ZNF808: variants seen among roughly 807,000 people sequenced by gnomAD.
ZNF808 encodes zinc finger protein 808.
A neutral mutation model predicts 8.7 loss-of-function variants in ZNF808; 5 were observed. The ratio of observed to expected loss-of-function variants is 0.58; its 90% confidence interval spans 0.30 to 1.21. The LOEUF is 1.21. Among genes scored for constraint, ZNF808 ranks in the 50% most tolerant of loss-of-function variants. The pLI is 0.07. For synonymous variants in ZNF808, 380 were observed against 366.0 expected, an observed-to-expected ratio of 1.04 and a Z score of -0.44; for missense variants, 1,103 against 1,098.4, an observed-to-expected ratio of 1.00 and a Z score of -0.06.
intron 3 of ZNF808, among the ~76,000 whole-genome samples, chr19:52,562,284 A>G (rs2059860578): frequency 6.6e-6 from 1 of 152,170 alleles, no homozygotes; most frequent in Admixed American, 6.5e-5. Flanking sequence ...AGGCTGAGGC[A>G]GTAGGATCAT....
chr19:52,561,965 A>G (rs1159246902), intron 3 of ZNF808, among the ~76,000 whole-genome samples: 3 of 152,202 alleles, frequency 2.0e-5, no homozygotes, highest in South Asian at 2.1e-4. Flanking sequence ...CCTGATGTTG[A>G]TGATGGCATG....
downstream of ZNF808, among the ~76,000 whole-genome samples, chr19:52,557,255 C>T (rs562976287): frequency 1.3e-4 from 19 of 151,284 alleles, no homozygotes; most frequent in Non-Finnish European, 2.2e-4. Flanking sequence ...AGGCATGAGC[C>T]ACCGTGCCCC....
At chr19:52,544,632 T>C (rs2059703883) in intron 3 of ZNF808, among the ~76,000 whole-genome samples, 1 of 152,148 alleles carries the variant, frequency 6.6e-6, no homozygotes, top group Non-Finnish European at 1.5e-5. Context: ...TCAGGCCTTA[T>C]TTTTTATATT....
downstream of ZNF808, among the ~76,000 whole-genome samples, chr19:52,560,083 C>G (rs2059851518): frequency 6.6e-6 from 1 of 152,102 alleles, no homozygotes; most frequent in Admixed American, 6.6e-5. Context: ...CGCCTGTAAT[C>G]CCAGCACTTT....
downstream of ZNF808, among the ~76,000 whole-genome samples, chr19:52,559,689 G>C (rs189385968): frequency 3.3e-5 from 5 of 152,244 alleles, no homozygotes; most frequent in South Asian, 1.0e-3. Flanking sequence ...GAAGATACAC[G>C]TCAGTGGTAC....
In ZNF808 at chr19:52,551,630, TATTA is replaced by T. The variant is rs555553733; in HGVS notation, c.191-1469_191-1466del. ...GGTTTTATCATGGGTTACAATATTT[TATTA>T]ATTAATTTTATAATTTTACATATGG... On this transcript the variant is annotated intron_variant, in intron 4 of 4. Transcript: ENST00000359798. Among the ~76,000 whole-genome samples the T allele has an allele frequency of 3.2e-3, 489 of 152,240 alleles. 4 individuals carry two copies. The highest frequency in any genetic ancestry group is 3.8e-3 in the Non-Finnish European group (261 of 68,010).
At chr19:52,547,748 T>TC (rs2059737228) in intron 4 of ZNF808, 110 bp downstream of exon 4, 1 of 1,523,398 alleles carries the variant, frequency 6.6e-7, no homozygotes, top group Non-Finnish European at 8.7e-7. Context: ...GGTTTTTTTT[T>TC]TTTTTTTTTT....
chr19:52,560,179 A>G (rs2059851790), downstream of ZNF808, among the ~76,000 whole-genome samples: 1 of 152,044 alleles, frequency 6.6e-6, no homozygotes, highest in African/African-American at 2.4e-5. Context: ...ACTAAAAATT[A>G]GCCAGGCCTG....
At chr19:52,537,512 C>T (rs937759940) in intron 2 of ZNF808, among the ~76,000 whole-genome samples, 1 of 152,000 alleles carries the variant, frequency 6.6e-6, no homozygotes, top group Non-Finnish European at 1.5e-5. Context: ...AATAGACACC[C>T]CATCTCTTTC....
Position 52,554,730 on chromosome 19 carries a change from G to T in ZNF808, c.1814G>T (p.Gly605Val). The change falls in exon 5 of 5, where the codon GGT becomes GTT. Residue 605 changes from glycine (G) to valine (V), a missense_variant. Physicochemically the swap from Gly to Val is moderately radical, Grantham distance 109. Coordinates refer to ENST00000359798, the MANE Select transcript of ZNF808 (RefSeq NM_001039886.4). ...TGTGAAGCATGTGACAAAGTTTTTG[G>T]TCAGAAATCAGCTCTTGAGTCACAT... ...YKCEACDKVF[G>V]QKSALESHKR... 1.9e-6 allele frequency: 3 copies of T among 1,613,638 alleles called. No homozygotes were observed. Among genetic ancestry groups the T allele is most frequent in the Non-Finnish European group, 2.5e-6 (3 of 1,179,862 alleles).
intron 2 of ZNF808, among the ~76,000 whole-genome samples, chr19:52,533,627 C>T (rs942056397): frequency 3.3e-5 from 5 of 151,674 alleles, no homozygotes; most frequent in African/African-American, 9.7e-5. Flanking sequence ...GAGGCCAAGG[C>T]GGGTCAATCC....
At position 52,532,609 on chromosome 19, in the gene ZNF808, CTG is replaced by C. The variant is rs375498495; in HGVS notation, c.-121-296_-121-295del. ...GTGACAGTGATATGTTTTTTGCAAA[CTG>C]TGATACATTTTAGGGTCACAGTGGA... On this transcript the variant is annotated intron_variant, in intron 1 of 4. Coordinates refer to ENST00000359798, the MANE Select transcript of ZNF808 (RefSeq NM_001039886.4). Among the ~76,000 whole-genome samples, 785 of 152,190 alleles carry C rather than the reference CTG, an allele frequency of 5.2e-3. 5 individuals are homozygous for C. Among genetic ancestry groups the C allele is most frequent in the African/African-American group, 0.018 (729 of 41,524 alleles).
At chr19:52,550,524 C>T (rs867867629) in intron 4 of ZNF808, among the ~76,000 whole-genome samples, 55 of 135,878 alleles carry the variant, frequency 4.0e-4, no homozygotes, top group Middle Eastern at 7.5e-3. Context: ...ACCACTGTGT[C>T]CGGGCTATTT....
chr19:52,553,877 G>T lies in ZNF808; in HGVS notation c.961G>T (p.Gly321Cys). 5.6e-6 allele frequency: 9 copies of T among 1,614,100 alleles called. No homozygotes were observed. Among genetic ancestry groups the T allele is most frequent in the Non-Finnish European group, 7.6e-6 (9 of 1,180,014 alleles). Residue 321 changes from glycine (G) to cysteine (C), a missense_variant, in exon 5 of 5, where the codon GGC becomes TGC. Gly to Cys is a radical substitution (Grantham distance 159). Transcript: ENST00000359798. ...AAAACCTTACAAGTGTAATGAGTGT[G>T]GCAAGGTCTTTCGTCAAAATTCAGC... ...GVKPYKCNEC[G>C]KVFRQNSALV...
At chr19:52,546,092 T>C (rs1374162910) in intron 3 of ZNF808, among the ~76,000 whole-genome samples, 4 of 152,264 alleles carry the variant, frequency 2.6e-5, no homozygotes, top group Non-Finnish European at 4.4e-5. Flanking sequence ...CAGTATGTTA[T>C]TTTATGGCTT....
At chr19:52,538,788 G>C (rs1044124482) in intron 2 of ZNF808, among the ~76,000 whole-genome samples, 5 of 152,176 alleles carry the variant, frequency 3.3e-5, no homozygotes, top group African/African-American at 1.2e-4. Flanking sequence ...GAGGGACCCT[G>C]GGTGCAGATG....
chr19:52,555,002 A>G lies in ZNF808; in HGVS notation c.2086A>G (p.Lys696Glu), dbSNP rs1455717630. The G allele has an allele frequency of 5.6e-6, 9 of 1,613,938 alleles. No individual in the cohort carries two copies. The highest frequency in any genetic ancestry group is 2.2e-5 in the East Asian group (1 of 44,866). ...KAFVCRSYVA[K>E]HTRIHSGMKP... is the part of the protein sequence containing the mutation. ...TTTCGTGTGTCGTTCCTATGTGGCA[A>G]AACATACTAGAATTCACAGTGGAAT... The change falls in exon 5 of 5, where the codon AAA becomes GAA. Residue 696 changes from lysine to glutamate, a missense_variant. Physicochemically the swap from Lys to Glu is moderately conservative, Grantham distance 56 (BLOSUM62 1). Transcript: ENST00000359798.
At chr19:52,546,824 A>G (rs2059725810) in intron 3 of ZNF808, among the ~76,000 whole-genome samples, 2 of 151,046 alleles carry the variant, frequency 1.3e-5, no homozygotes, top group Non-Finnish European at 2.9e-5. Flanking sequence ...TTGTATTTTC[A>G]GTAGAGATGT....
At chr19:52,544,291 T>G (rs1019738847) in intron 3 of ZNF808, among the ~76,000 whole-genome samples, 1 of 152,156 alleles carries the variant, frequency 6.6e-6, no homozygotes, top group Non-Finnish European at 1.5e-5. Flanking sequence ...CCAAAGAGCC[T>G]GAATGATAGG....
Sources: allele counts gnomAD v4.1 joint callset (sites outside exome capture counted in the v4.1 genomes callset), GRCh38; gene constraint gnomAD v4.1.1; transcripts MANE v1.5; gene names NCBI Gene and HGNC (gene_info 2026-07-23, HGNC 2026-07-21).